Variants in BMP8B observed in about 807,000 individuals in gnomAD.
BMP8B encodes the protein bone morphogenetic protein 8b, also known as bone morphogenetic protein 8 (osteogenic protein 2).
Under a neutral mutation model 30.3 loss-of-function variants are expected in BMP8B, and 17 were observed. That is an observed-to-expected ratio of 0.56 (90% confidence interval 0.38 to 0.84). The LOEUF (loss-of-function observed/expected upper bound fraction) is 0.84, where lower values mean the gene tolerates loss of function less well. BMP8B is among the 40% of genes least tolerant of loss of function. BMP8B has a pLI of 0.00. For missense variants in BMP8B, 253 were observed against 494.6 expected (o/e 0.51, Z 4.63); for synonymous variants, 131 against 214.7 (o/e 0.61, Z 3.41).
chr1:39,760,015 C>T lies in BMP8B; in HGVS notation c.*404G>A, dbSNP rs1359467116. On this transcript the variant is annotated 3_prime_UTR_variant, in exon 7 of 7. Transcript: ENST00000372827. ...ACACCCTGTGATGGATGGTGAAGAG[C>T]TCAAGGTGGCCAACAGTGGGCTCCA... is the stretch of plus-strand genomic sequence containing the variant. 8.2e-6 allele frequency: 2 copies of T among 242,868 alleles called. No individual in the cohort carries two copies. Among genetic ancestry groups the T allele is most frequent in the African/African-American group, 4.5e-5 (2 of 44,624 alleles). 15.0% of individuals were successfully genotyped at this position (242,868 alleles called of 1,614,324 possible).
chr1:39,770,319 C>G, intron 3 of BMP8B: 1 of 1,587,186 alleles, frequency 6.3e-7, no homozygotes, highest in Non-Finnish European at 8.5e-7. Flanking sequence ...GCGTACATGC[C>G]GTCCTCAAAT....
In BMP8B at chr1:39,757,345, G is replaced by T. The variant is rs1648391913; in HGVS notation, c.*3074C>A. Reference sequence around the variant, plus strand: ...TCTTTATAATAGCTTTGGGAGGAAAGAACCAATATCATACTCTACAAAGGA... The same window carrying T: ...TCTTTATAATAGCTTTGGGAGGAAATAACCAATATCATACTCTACAAAGGA... On this transcript the variant is annotated 3_prime_UTR_variant, in exon 7 of 7. Transcript: ENST00000372827. 2 of 152,226 alleles carry T rather than the reference G, an allele frequency of 1.3e-5. No individual in the cohort carries two copies. The highest frequency in any genetic ancestry group is 1.3e-4 in the Admixed American group (2 of 15,282). 9.4% of individuals were successfully genotyped at this position (152,226 alleles called of 1,614,324 possible).
chr1:39,786,939 G>C (rs1651022480), intron 1 of BMP8B, among the ~76,000 whole-genome samples: 1 of 152,212 alleles, frequency 6.6e-6, no homozygotes, highest in Non-Finnish European at 1.5e-5. Context: ...CACAAAACCT[G>C]CTGCGGCTCA....
At chr1:39,760,696 T>A in intron 6 of BMP8B, 128 bp from the exon 7 acceptor site, 1 of 1,214,104 alleles carries the variant, frequency 8.2e-7, no homozygotes, top group Non-Finnish European at 1.1e-6. Flanking sequence ...AGCAGCACAA[T>A]AATAATAACT....
intron 1 of BMP8B, among the ~76,000 whole-genome samples, chr1:39,779,878 G>A (rs944275763): frequency 1.3e-5 from 2 of 152,214 alleles, no homozygotes; most frequent in African/African-American, 4.8e-5. Flanking sequence ...TGTTCTTAGG[G>A]CTAATAATCC....
intron 3 of BMP8B, among the ~76,000 whole-genome samples, chr1:39,771,707 C>G (rs1245629811): frequency 6.8e-6 from 1 of 147,626 alleles, no homozygotes; most frequent in Non-Finnish European, 1.5e-5. Context: ...GCCAAGCACC[C>G]TCCTTTAATC....
rs1251804397 is a variant in BMP8B, at chr1:39,769,032, T to TA, written c.674-4216dup. Among the ~76,000 whole-genome samples, 193 of 144,110 alleles carry TA rather than the reference T, an allele frequency of 1.3e-3. 2 individuals carry two copies. The highest frequency in any genetic ancestry group is 8.4e-3 in the Admixed American group (122 of 14,588). The allele number at this position is 144,110 out of a possible 152,430, so 94.5% of individuals were successfully genotyped here. The stretch of plus-strand genomic sequence containing the variant: ...CATTTCTATAAATAAATTTAAAAAA[T>TA]AAAAAAAAATAAGCAGGCATTGTGA... On this transcript the variant is annotated intron_variant, in intron 3 of 6. Transcript: ENST00000372827.
intron 1 of BMP8B, among the ~76,000 whole-genome samples, chr1:39,786,400 CACA>C (rs1650981792): frequency 6.6e-6 from 1 of 152,190 alleles, no homozygotes; most frequent in African/African-American, 2.4e-5. Flanking sequence ...CTACCAATCA[CACA>C]ACAACCCTGA....
chr1:39,764,168 C>T (rs1194380612), intron 4 of BMP8B, among the ~76,000 whole-genome samples: 4 of 152,276 alleles, frequency 2.6e-5, no homozygotes, highest in East Asian at 1.9e-4. Context: ...AAGTGGCTCA[C>T]GACCAGGCCA....
intron 1 of BMP8B, among the ~76,000 whole-genome samples, chr1:39,783,849 G>A (rs74754763): frequency 0.013 from 1,912 of 152,364 alleles, 48 homozygotes; most frequent in African/African-American, 0.044. Flanking sequence ...GTTTGCAGTT[G>A]CAGTGAGCTA....
Position 39,758,334 on chromosome 1 carries a change from A to G in BMP8B, c.*2085T>C, listed in dbSNP as rs1648513560. 2.0e-5 allele frequency: 3 copies of G among 152,242 alleles called. No homozygotes were observed. Among genetic ancestry groups the G allele is most frequent in the Admixed American group, 2.0e-4 (3 of 15,282 alleles). The allele number at this position is 152,242 out of a possible 1,614,324, so 9.4% of individuals were successfully genotyped here. Reference sequence around the variant, plus strand: ...CAACCTCCACCTCCCAGGTTCAAGCAATTCTGCCTCAGCCTCCTGAGTAGC... The same window carrying G: ...CAACCTCCACCTCCCAGGTTCAAGCGATTCTGCCTCAGCCTCCTGAGTAGC... On this transcript the variant is annotated 3_prime_UTR_variant, in exon 7 of 7. Coordinates refer to ENST00000372827, the MANE Select transcript of BMP8B (RefSeq NM_001720.5).
intron 1 of BMP8B, among the ~76,000 whole-genome samples, chr1:39,787,648 C>T (rs528692587): frequency 9.7e-4 from 147 of 152,270 alleles, no homozygotes; most frequent in African/African-American, 3.4e-3. Flanking sequence ...CAGCCGCCCC[C>T]CTGACAGCCG....
Position 39,760,428 on chromosome 1 carries a change from G to C in BMP8B, c.1200C>G (p.Gly400=). The C allele has an allele frequency of 1.2e-6, 2 of 1,613,952 alleles. No individual in the cohort carries two copies. The highest frequency in any genetic ancestry group is 1.7e-6 in the Non-Finnish European group (2 of 1,180,022). Residue 400 remains glycine, a synonymous_variant, in exon 7 of 7, where the codon GGC becomes GGG. Transcript: ENST00000372827. ...GGCCGGGCGGGTGGACTCAGTGGCAGCCGCAGGCCTTGACCACCATGTTGC... is the reference window on the plus strand; with the variant it reads ...GGCCGGGCGGGTGGACTCAGTGGCACCCGCAGGCCTTGACCACCATGTTGC... ...KHRNMVVKAC[G]CH
chr1:39,763,160 C>G lies in BMP8B; in HGVS notation c.991G>C (p.Glu331Gln). ...TCCAGTGGGAAGGAGCACTCCCCCT[C>G]ACAGTAATAGGCCGAGTAGCCTTGG... is the stretch of plus-strand genomic sequence containing the variant. ...APQGYSAYYC[E>Q]GECSFPLDSC... Residue 331 changes from glutamate to glutamine, a missense_variant, in exon 6 of 7, where the codon GAG becomes CAG. Transcript: ENST00000372827. 1 of 1,614,042 alleles carries G rather than the reference C, an allele frequency of 6.2e-7. No homozygotes were observed. The highest frequency in any genetic ancestry group is 8.5e-7 in the Non-Finnish European group (1 of 1,179,972).
chr1:39,762,597 C>G (rs1261910033), intron 6 of BMP8B: 33 of 1,550,060 alleles, frequency 2.1e-5, no homozygotes, highest in Non-Finnish European at 2.7e-5. Context: ...GGGGGAAAAG[C>G]CAAAAGGTTG....
At chr1:39,775,213 G>A (rs191179437) in intron 1 of BMP8B, among the ~76,000 whole-genome samples, 175 bp from the exon 2 acceptor site, 2,073 of 152,290 alleles carry the variant, frequency 0.014, 26 homozygotes, top group South Asian at 0.046. Context: ...GCTTGGTCCC[G>A]GGGTGTAGAC....
At chr1:39,760,787 G>GTCCCTCC in intron 6 of BMP8B, among the ~76,000 whole-genome samples, 1 of 152,174 alleles carries the variant, frequency 6.6e-6, no homozygotes, top group Non-Finnish European at 1.5e-5. Flanking sequence ...GGGACACATG[G>GTCCCTCC]CAGGGGGTGT....
At chr1:39,787,098 T>C (rs1372528457) in intron 1 of BMP8B, among the ~76,000 whole-genome samples, 1 of 152,256 alleles carries the variant, frequency 6.6e-6, no homozygotes, top group African/African-American at 2.4e-5. Context: ...GAGGCTGCGC[T>C]GTCCTAGGCA....
At chr1:39,764,928 C>T (rs1158364059) in intron 3 of BMP8B, 111 bp from the exon 4 acceptor site, 1 of 1,527,398 alleles carries the variant, frequency 6.5e-7, no homozygotes, top group Non-Finnish European at 8.8e-7. Context: ...AGGCTGAGGA[C>T]CCAAGGGGTC....
Sources: gnomAD v4.1 joint callset for allele counts (sites outside exome capture counted in the v4.1 genomes callset) on GRCh38, gnomAD v4.1.1 for gene constraint, MANE v1.5 for transcripts, NCBI Gene and HGNC (gene_info 2026-07-23, HGNC 2026-07-21) for gene names.